The following SCOC variants were observed in gnomAD, a reference collection of about 807,000 sequenced individuals.
SCOC encodes short coiled-coil protein.
A neutral mutation model predicts 9.9 loss-of-function variants in SCOC; 7 were observed. The observed-to-expected ratio is 0.71, with a 90% CI of 0.40 to 1.33. SCOC has a LOEUF of 1.33. SCOC is among the 40% of genes most tolerant of loss of function. The pLI, the probability that SCOC is intolerant of heterozygous loss-of-function variation, is 0.01. For missense variants in SCOC, 66 were observed against 89.7 expected (o/e 0.74, Z 1.07); for synonymous variants, 19 against 28.2 (o/e 0.67, Z 1.03).
chr4:140,320,370 C>T (rs113930238), intron 1 of SCOC, among the ~76,000 whole-genome samples: 22 of 152,304 alleles, frequency 1.4e-4, no homozygotes, highest in African/African-American at 2.9e-4. Flanking sequence ...CAGCAGCCCT[C>T]GGGGCTGCTC....
rs1010560368 is a variant in SCOC at position 140,384,107 on chromosome 4, A to G, written c.*3003A>G. 2.0e-5 allele frequency: 3 copies of G among 152,172 alleles called. No individual in the cohort carries two copies. The highest frequency in any genetic ancestry group is 7.2e-5 in the African/African-American group (3 of 41,438). The allele number at this position is 152,172 out of a possible 1,614,324, so 9.4% of individuals were successfully genotyped here. A position where few individuals can be genotyped will look rare whatever the true frequency, so the allele number is the denominator to read the frequency against. On this transcript the variant is annotated 3_prime_UTR_variant, in exon 4 of 4. Coordinates refer to ENST00000608372, the MANE Select transcript of SCOC (RefSeq NM_001153484.2). Reference sequence around the variant, plus strand: ...GGTTCCTTGTATCAAAACTTTGTCTATTCCCTTCTATCTTTGCTTGAAAAT... The same window carrying G: ...GGTTCCTTGTATCAAAACTTTGTCTGTTCCCTTCTATCTTTGCTTGAAAAT...
chr4:140,298,857 C>T (rs1731727581), intron 1 of SCOC, among the ~76,000 whole-genome samples: 1 of 152,064 alleles, frequency 6.6e-6, no homozygotes, highest in African/African-American at 2.4e-5. Context: ...ACTCTGTCAC[C>T]CAGGCTGGAA....
At chr4:140,310,598 G>A (rs975420322) in intron 1 of SCOC, among the ~76,000 whole-genome samples, 2 of 152,166 alleles carry the variant, frequency 1.3e-5, no homozygotes, top group Non-Finnish European at 2.9e-5. Flanking sequence ...TCCTGCTTTG[G>A]ACAATATGAT....
intron 1 of SCOC, among the ~76,000 whole-genome samples, chr4:140,323,947 T>C (rs962654886): frequency 2.6e-5 from 4 of 152,018 alleles, no homozygotes; most frequent in Non-Finnish European, 4.4e-5. Flanking sequence ...AGATACGTCA[T>C]GAAAATAAAT....
chr4:140,369,665 T>A (rs1727956393), upstream of SCOC, among the ~76,000 whole-genome samples: 1 of 152,108 alleles, frequency 6.6e-6, no homozygotes, highest in African/African-American at 2.4e-5. Flanking sequence ...TATTGCCTTG[T>A]ACAGTTTTCA....
chr4:140,314,763 C>T (rs1032019663), intron 1 of SCOC, among the ~76,000 whole-genome samples: 3 of 152,044 alleles, frequency 2.0e-5, no homozygotes, highest in Admixed American at 6.6e-5. Flanking sequence ...GAGACACTAG[C>T]GTGGGGAGCA....
At chr4:140,374,153 G>A (rs1233918081) in intron 1 of SCOC, 4 of 461,910 alleles carry the variant, frequency 8.7e-6, no homozygotes, top group Non-Finnish European at 1.7e-5. Flanking sequence ...AGGCTGAGGT[G>A]GGGAGGGAGC....
At chr4:140,378,986 G>T in intron 1 of SCOC, 135 bp from the exon 2 acceptor site, 1 of 616,544 alleles carries the variant, frequency 1.6e-6, no homozygotes, top group Non-Finnish European at 2.9e-6. Flanking sequence ...TTACCCATTA[G>T]GCATTTATTT....
intron 2 of SCOC, among the ~76,000 whole-genome samples, chr4:140,362,299 C>CTTCTTCTTCTTCTTCTTCTTCT (rs367795160): frequency 0.011 from 441 of 38,374 alleles, 63 homozygotes; most frequent in African/African-American, 0.032. Context: ...TCTTCTTCTT[C>CTTCTTCTTCTTCTTCTTCTTCT]TTTTTTTTTT....
intron 2 of SCOC, among the ~76,000 whole-genome samples, chr4:140,345,985 T>C (rs568158983): frequency 6.6e-6 from 1 of 152,256 alleles, no homozygotes; most frequent in Non-Finnish European, 1.5e-5. Context: ...CATGATATTA[T>C]GGTCCTACAT....
At chr4:140,268,614 C>T (rs996130844) in intron 1 of SCOC, among the ~76,000 whole-genome samples, 1 of 152,154 alleles carries the variant, frequency 6.6e-6, no homozygotes, top group Non-Finnish European at 1.5e-5. Flanking sequence ...CTGCTGAGGT[C>T]ATCATTTAGT....
chr4:140,373,592 T>C, upstream of SCOC: 1 of 1,551,516 alleles, frequency 6.4e-7, no homozygotes, highest in South Asian at 1.2e-5. Flanking sequence ...TGGGACGGGA[T>C]GGGATTCTTC....
chr4:140,293,945 G>A (rs1441887319), intron 1 of SCOC, among the ~76,000 whole-genome samples: 1 of 152,174 alleles, frequency 6.6e-6, no homozygotes, highest in Non-Finnish European at 1.5e-5. Context: ...GTTCCCAGAA[G>A]CCAACTTTTA....
chr4:140,324,487 A>G (rs1191013574), intron 1 of SCOC, among the ~76,000 whole-genome samples: 2 of 152,202 alleles, frequency 1.3e-5, no homozygotes, highest in African/African-American at 2.4e-5. Context: ...CCGAGAACTC[A>G]TAAGTACATT....
At chr4:140,362,444 G>A (rs1727611055) in intron 2 of SCOC, among the ~76,000 whole-genome samples, 1 of 148,970 alleles carries the variant, frequency 6.7e-6, no homozygotes. Flanking sequence ...TACAGGCCAA[G>A]CCACCATGCC....
intron 1 of SCOC, among the ~76,000 whole-genome samples, chr4:140,326,882 T>A (rs1732665584): frequency 1.3e-5 from 2 of 152,176 alleles, no homozygotes; most frequent in Admixed American, 6.5e-5. Context: ...CTGCTCACAA[T>A]GTGACTCTGC....
At chr4:140,261,871 G>A (rs1008950102) in intron 1 of SCOC, among the ~76,000 whole-genome samples, 2 of 152,128 alleles carry the variant, frequency 1.3e-5, no homozygotes, top group Admixed American at 1.3e-4. Flanking sequence ...TGTGACCAGG[G>A]CTTGGAAGGA....
intron 2 of SCOC, among the ~76,000 whole-genome samples, chr4:140,355,465 C>G (rs1727188105): frequency 6.6e-6 from 1 of 152,010 alleles, no homozygotes; most frequent in Non-Finnish European, 1.5e-5. Flanking sequence ...TAGTACATTG[C>G]ACAATGCAGA....
At chr4:140,299,173 T>C (rs1731739667) in intron 1 of SCOC, among the ~76,000 whole-genome samples, 1 of 152,158 alleles carries the variant, frequency 6.6e-6, no homozygotes, top group South Asian at 2.1e-4. Context: ...TATTTATGGG[T>C]TACGTGAGAA....
Sources: allele counts gnomAD v4.1 joint callset (sites outside exome capture counted in the v4.1 genomes callset), GRCh38; gene constraint gnomAD v4.1.1; transcripts MANE v1.5; gene names NCBI Gene and HGNC (gene_info 2026-07-23, HGNC 2026-07-21).